ANO7: variants seen among roughly 807,000 people sequenced by gnomAD.
ANO7 encodes the protein anoctamin-7.
Under a neutral mutation model 115.8 loss-of-function variants are expected in ANO7, and 114 were observed. The ratio of observed to expected loss-of-function variants is 0.98; its 90% CI spans 0.85 to 1.15. The LOEUF (loss-of-function observed/expected upper bound fraction) is 1.15. ANO7 is among the 50% of genes most tolerant of loss of function. The pLI is 0.00. For synonymous variants in ANO7, 550 were observed against 498.2 expected (o/e 1.10, Z -1.38); for missense variants, 1,302 against 1,201.2 (o/e 1.08, Z -1.24).
At chr2:241,238,763 C>T in the ANO7 span, 4 of 1,561,924 alleles carry the variant, frequency 2.6e-6, no homozygotes, top group Non-Finnish European at 2.6e-6. The surrounding 1 kb of genome is among the most constrained non-coding windows in gnomAD (Gnocchi z 4.9). Flanking sequence ...TGGGGTATAG[C>T]ACATTCTAAT....
Position 241,209,380 on chromosome 2 carries a change from C to T in ANO7, c.1173C>T (p.Ser391=), listed in dbSNP as rs148991441. Residue 391 remains serine, a synonymous_variant, in exon 12 of 25, where the codon AGC becomes AGT. Coordinates refer to ENST00000674324, the MANE Select transcript of ANO7 (RefSeq NM_001370694.2). ...TGCTGGAGTACTGGAAGCGGAAGAGCGCCACGCTGGCCTACCGCTGGGACT... is the reference window on the plus strand; with the variant it reads ...TGCTGGAGTACTGGAAGCGGAAGAGTGCCACGCTGGCCTACCGCTGGGACT... ...VLLLEYWKRK[S]ATLAYRWDCS... 4.9e-5 allele frequency: 78 copies of T among 1,582,154 alleles called. No homozygotes were observed. In the African/African-American group the frequency reaches 5.5e-4, roughly 11 times the overall value.
chr2:241,236,984 G>GCTAT, the ANO7 span, among the ~76,000 whole-genome samples: 2 of 148,220 alleles, frequency 1.3e-5, no homozygotes, highest in Non-Finnish European at 3.0e-5. Context: ...CCTTGGGGGG[G>GCTAT]GGGGGGGGGG....
intron 3 of ANO7, 138 bp downstream of exon 3, chr2:241,191,389 C>T (rs570599023): frequency 1.9e-6 from 2 of 1,065,152 alleles, no homozygotes; most frequent in African/African-American, 1.6e-5. Context: ...GGATGGGGCA[C>T]TGGGGTGAGG....
the ANO7 span, chr2:241,236,908 G>A: frequency 5.0e-6 from 4 of 800,316 alleles, no homozygotes; most frequent in Non-Finnish European, 5.9e-6. Flanking sequence ...TCCTTCAGGA[G>A]GTCTTGGTCT....
intron 4 of ANO7, chr2:241,199,089 A>C: frequency 1.9e-6 from 1 of 526,306 alleles, no homozygotes; most frequent in South Asian, 2.0e-5. Flanking sequence ...TGTCTGCAGC[A>C]AATCTGTTGC....
At chr2:241,214,159 C>T (rs188136665) in intron 17 of ANO7, among the ~76,000 whole-genome samples, 2 of 152,300 alleles carry the variant, frequency 1.3e-5, no homozygotes, top group East Asian at 3.9e-4. Flanking sequence ...ATGGCACGCA[C>T]CTGTAGTCTC....
rs1464013216 is a variant in ANO7 at position 241,225,823 on chromosome 2, A to G, written c.*1670A>G. Reference sequence around the variant, plus strand: ...CACCGGCCGGAGCATGGCGGACAGCACACACGGCCCGGGGCGGGAACCTTG... The same window carrying G: ...CACCGGCCGGAGCATGGCGGACAGCGCACACGGCCCGGGGCGGGAACCTTG... On this transcript the variant is annotated 3_prime_UTR_variant, in exon 25 of 25. Coordinates refer to ENST00000674324, the MANE Select transcript of ANO7 (RefSeq NM_001370694.2). Among the ~76,000 whole-genome samples, 1 of 152,192 alleles carries G rather than the reference A, an allele frequency of 6.6e-6. No homozygotes were observed. Among genetic ancestry groups the G allele is most frequent in the Non-Finnish European group, 1.5e-5 (1 of 68,034 alleles).
At chr2:241,196,165 G>T (rs1339834105) in intron 4 of ANO7, 3 of 1,281,194 alleles carry the variant, frequency 2.3e-6, no homozygotes, top group African/African-American at 1.5e-5. Context: ...TTGGGTAGGC[G>T]TGTCATTTGT....
rs772860631 is a variant in ANO7, at chr2:241,209,288, G to A, written c.1081G>A (p.Gly361Ser). ...LSSACALAQA[G>S]RLFDHGGTVF... ...ACGCCCCCGCTCCCTGCCACAGGCC[G>A]GCCGGCTGTTCGACCACGGCGGCAC... The change falls in exon 12 of 25, where the codon GGC (glycine) becomes AGC (serine). Residue 361 changes from glycine to serine, a missense_variant. Transcript: ENST00000674324. The A allele has an allele frequency of 1.7e-5, 26 of 1,552,848 alleles. No homozygotes were observed. The highest frequency in any genetic ancestry group is 5.8e-5 in the Admixed American group (3 of 51,526).
intron 17 of ANO7, among the ~76,000 whole-genome samples, chr2:241,213,146 C>T (rs911032180): frequency 5.3e-5 from 8 of 151,544 alleles, no homozygotes; most frequent in East Asian, 1.9e-4. Flanking sequence ...GCACACGGCC[C>T]GCAGGGGCTG....
chr2:241,213,211 C>T (rs1317993528), intron 17 of ANO7, among the ~76,000 whole-genome samples: 1 of 143,110 alleles, frequency 7.0e-6, no homozygotes, highest in African/African-American at 3.0e-5. Context: ...GCACACGGCC[C>T]GCAGGGGCTG....
At chr2:241,234,423 A>C in the ANO7 span, among the ~76,000 whole-genome samples, 1 of 152,340 alleles carries the variant, frequency 6.6e-6, no homozygotes, top group Admixed American at 6.5e-5. Context: ...ACCTGGCTGC[A>C]GGAGACAACC....
At chr2:241,234,305 G>C in the ANO7 span, among the ~76,000 whole-genome samples, 1 of 152,228 alleles carries the variant, frequency 6.6e-6, no homozygotes, top group African/African-American at 2.4e-5. Context: ...GGATCTGATG[G>C]ATACGCACAG....
the ANO7 span, among the ~76,000 whole-genome samples, chr2:241,232,130 C>G: frequency 3.9e-5 from 6 of 152,342 alleles, no homozygotes; most frequent in East Asian, 1.2e-3. Context: ...CTGACAGCCT[C>G]AGGCACCACC....
rs762870783 is a variant in ANO7 at position 241,201,318 on chromosome 2, A to G, written c.575A>G (p.Gln192Arg). The change falls in exon 7 of 25, where the codon CAG becomes CGG. Residue 192 changes from glutamine to arginine, a missense_variant. Coordinates refer to ENST00000674324, the MANE Select transcript of ANO7 (RefSeq NM_001370694.2). Reference sequence around the variant, plus strand: ...CACAGCTTCCTCGGGAGTGACAACCAGGACACCTTCTTCACAAGCACCAAG... The same window carrying G: ...CACAGCTTCCTCGGGAGTGACAACCGGGACACCTTCTTCACAAGCACCAAG... ...KLPRFLGSDN[Q>R]DTFFTSTKRH... The G allele has an allele frequency of 6.2e-7, 1 of 1,613,408 alleles. No homozygotes were observed. Among genetic ancestry groups the G allele is most frequent in the East Asian group, 2.2e-5 (1 of 44,814 alleles).
intron 4 of ANO7, among the ~76,000 whole-genome samples, chr2:241,197,014 A>G (rs1016717419): frequency 6.6e-6 from 1 of 152,140 alleles, no homozygotes; most frequent in Non-Finnish European, 1.5e-5. Context: ...CTTGCTCTGT[A>G]TCTTCTCAAC....
intron 21 of ANO7, among the ~76,000 whole-genome samples, chr2:241,220,970 C>T (rs2068997594): frequency 6.8e-6 from 1 of 146,702 alleles, no homozygotes; most frequent in Non-Finnish European, 1.5e-5. Context: ...GACGCTGTCT[C>T]AGGAAAAAAA....
chr2:241,212,596 C>T lies in ANO7; in HGVS notation c.1698C>T (p.Tyr566=). The T allele has an allele frequency of 5.6e-6, 9 of 1,613,460 alleles. No homozygotes were observed. Among genetic ancestry groups the T allele is most frequent in the African/African-American group, 1.3e-5 (1 of 75,050 alleles). ...GGTTTGTGGGATACCCAGGCAACTACCACACCTTGTTTGGAGTCCGCAATG... is the reference window on the plus strand; with the variant it reads ...GGTTTGTGGGATACCCAGGCAACTATCACACCTTGTTTGGAGTCCGCAATG... ...KGRFVGYPGN[Y]HTLFGVRNEE... Residue 566 remains tyrosine (Y), a synonymous_variant, in exon 17 of 25, where the codon TAC becomes TAT. Coordinates refer to ENST00000674324, the MANE Select transcript of ANO7 (RefSeq NM_001370694.2).
rs1451078840 is a variant in ANO7, at chr2:241,210,848, TG to T, written c.1561+279del. ...GCCCAGCTGAAATTTTTTTTTTTTT[TG>T]ATAGAGACAGGGGTCTCACTGTGTG... On this transcript the variant is annotated intron_variant, in intron 15 of 24. Coordinates refer to ENST00000674324, the MANE Select transcript of ANO7 (RefSeq NM_001370694.2). Among the ~76,000 whole-genome samples, 167 of 145,904 alleles carry T rather than the reference TG, an allele frequency of 1.1e-3. 1 individual carries two copies. The highest frequency in any genetic ancestry group is 3.8e-3 in the African/African-American group (148 of 38,576).
Sources: gnomAD v4.1 joint callset for allele counts (sites outside exome capture counted in the v4.1 genomes callset) on GRCh38, gnomAD v4.1.1 for gene constraint, Gnocchi (gnomAD v3.1) non-coding constraint, MANE v1.5 for transcripts, NCBI Gene and HGNC (gene_info 2026-07-23, HGNC 2026-07-21) for gene names.